Variants in ATP2A3 observed in about 807,000 individuals in gnomAD.
The protein encoded by ATP2A3 is ATPase sarcoplasmic/endoplasmic reticulum Ca2+ transporting 3, also known as sarcoplasmic/endoplasmic reticulum calcium ATPase 3.
Under a neutral mutation model 106.8 loss-of-function variants are expected in ATP2A3, and 61 were observed. The ratio of observed to expected loss-of-function variants is 0.57; its 90% CI spans 0.46 to 0.71. ATP2A3 has a LOEUF of 0.71. ATP2A3 is among the 30% of genes least tolerant of loss of function. ATP2A3 has a pLI of 0.00. For missense variants in ATP2A3, 1,201 were observed against 1,423.5 expected, an observed-to-expected ratio of 0.84 and a Z score of 2.52; for synonymous variants, 611 against 609.3, an observed-to-expected ratio of 1.00 and a Z score of -0.04.
Position 3,924,843 on chromosome 17 carries a change from G to A in ATP2A3, c.*579C>T, listed in dbSNP as rs191309662. 2.7e-3 allele frequency: 1,245 copies of A among 456,812 alleles called. 11 individuals are homozygous for A. The highest frequency in any genetic ancestry group is 0.022 in the African/African-American group (1,109 of 50,196). The allele number at this position is 456,812 out of a possible 1,614,324, so 28.3% of individuals were successfully genotyped here. On this transcript the variant is annotated 3_prime_UTR_variant, in exon 21 of 21. Transcript: ENST00000397041. This position sits in a 1 kb window ranked among gnomAD's most constrained non-coding sequence, Gnocchi z 6.4. ...AAGCAGCCTCGAGCTCTCGGGAGCC[G>A]ACTTTGTGGAAGCAGAGTGGAGTGG...
Position 3,953,336 on chromosome 17 carries a change from G to C in ATP2A3, c.219+11C>G. ...CGACTACCACAGGATGGCTGGCAGG[G>C]CCCTACTTACAAAGGAGACAAGGGC... On this transcript the variant is annotated intron_variant, in intron 3 of 20. Coordinates refer to ENST00000397041, the MANE Select transcript of ATP2A3 (RefSeq NM_005173.4). This position sits in a 1 kb window ranked among gnomAD's most constrained non-coding sequence, Gnocchi z 5.1. 1 of 1,613,512 alleles carries C rather than the reference G, an allele frequency of 6.2e-7. No individual in the cohort carries two copies. The highest frequency in any genetic ancestry group is 8.5e-7 in the Non-Finnish European group (1 of 1,179,678).
In ATP2A3 at chr17:3,951,570, GT is replaced by G; in HGVS notation, c.324+10del. On this transcript the variant is annotated intron_variant, in intron 4 of 20. Transcript: ENST00000397041. Reference sequence around the variant, plus strand: ...CGCCCCCCGCCCGGTCCCACCCCCAGTGCCTCCCACCTGCCACACGCCCACA... The same window carrying G: ...CGCCCCCCGCCCGGTCCCACCCCCAGGCCTCCCACCTGCCACACGCCCACA... The G allele has an allele frequency of 5.6e-6, 2 of 359,242 alleles. No individual in the cohort carries two copies. Among genetic ancestry groups the G allele is most frequent in the South Asian group, 2.0e-5 (1 of 49,438 alleles). 22.3% of individuals were successfully genotyped at this position (359,242 alleles called of 1,614,324 possible). A position where few individuals can be genotyped will look rare whatever the true frequency, so the allele number is the denominator to read the frequency against.
chr17:3,931,287 C>T (rs2144273419), intron 17 of ATP2A3, among the ~76,000 whole-genome samples: 1 of 152,224 alleles, frequency 6.6e-6, no homozygotes, highest in South Asian at 2.1e-4. Flanking sequence ...CTGTAATTAA[C>T]ATGAAGCGCT....
intron 12 of ATP2A3, among the ~76,000 whole-genome samples, chr17:3,942,302 C>T (rs1597617173): frequency 6.6e-6 from 1 of 152,232 alleles, no homozygotes; most frequent in African/African-American, 2.4e-5. Flanking sequence ...TTAAACTTCC[C>T]TTGCAGGGTG....
rs536271392 is a variant in ATP2A3 at position 3,930,492 on chromosome 17, G to A, written c.2611-58C>T. Reference sequence around the variant, plus strand: ...CAGGTCAGGCGAGGGGCTGGTGGGTGGGAGGAGGGAAGCCTCATCCTGCCC... The same window carrying A: ...CAGGTCAGGCGAGGGGCTGGTGGGTAGGAGGAGGGAAGCCTCATCCTGCCC... On this transcript the variant is annotated intron_variant, in intron 17 of 20. Coordinates refer to ENST00000397041, the MANE Select transcript of ATP2A3 (RefSeq NM_005173.4). This position sits in a 1 kb window ranked among gnomAD's most constrained non-coding sequence, Gnocchi z 5.4. 1.4e-4 allele frequency: 227 copies of A among 1,606,862 alleles called. 1 individual carries two copies. In the African/African-American group the frequency reaches 2.2e-3, roughly 16 times the overall value.
intron 1 of ATP2A3, among the ~76,000 whole-genome samples, chr17:3,956,133 C>T (rs1475614423): frequency 1.6e-4 from 25 of 152,144 alleles, no homozygotes; most frequent in Admixed American, 1.5e-3. Flanking sequence ...CCACCCACTT[C>T]GGCCTCCCAA....
intron 14 of ATP2A3, 33 bp from the exon 15 acceptor site, chr17:3,937,669 G>A (rs1267546971): frequency 6.2e-7 from 1 of 1,603,102 alleles, no homozygotes; most frequent in Non-Finnish European, 8.5e-7. Flanking sequence ...CTGTGCCTGA[G>A]AAACTTCCCT....
chr17:3,935,404 T>C (rs756595160), intron 16 of ATP2A3, 127 bp from the exon 17 acceptor site: 2 of 851,410 alleles, frequency 2.3e-6, no homozygotes, highest in Non-Finnish European at 3.7e-6. Context: ...CCCTGTGGTT[T>C]GCAGGCACCT....
At chr17:3,964,018 C>G (rs1024370063) in intron 1 of ATP2A3, among the ~76,000 whole-genome samples, 156 bp downstream of exon 1, 7 of 152,028 alleles carry the variant, frequency 4.6e-5, no homozygotes, top group African/African-American at 1.2e-4. Flanking sequence ...CGAAGGTGGC[C>G]GCGCAGCCCC....
chr17:3,958,039 G>T lies in ATP2A3; in HGVS notation c.119-4329C>A, dbSNP rs530857839. Among the ~76,000 whole-genome samples, 9 of 152,330 alleles carry T rather than the reference G, an allele frequency of 5.9e-5. No individual in the cohort carries two copies. In the East Asian group the frequency reaches 1.5e-3, roughly 26 times the overall value. On this transcript the variant is annotated intron_variant, in intron 1 of 20. Coordinates refer to ENST00000397041, the MANE Select transcript of ATP2A3 (RefSeq NM_005173.4). ...GCCTGGGAGTCAGCCTGCAGTCCTG[G>T]GAAAAGAGGGAGGTGATCAGAGAAG... is the stretch of plus-strand genomic sequence containing the variant.
chr17:3,959,729 C>T (rs2055034320), intron 1 of ATP2A3, among the ~76,000 whole-genome samples: 1 of 152,262 alleles, frequency 6.6e-6, no homozygotes, highest in Non-Finnish European at 1.5e-5. Flanking sequence ...GCCCAGCCCA[C>T]CTGGCCCTGC....
Position 3,944,697 on chromosome 17 carries a change from G to C in ATP2A3, c.1287+7C>G, listed in dbSNP as rs745359327. 8.1e-6 allele frequency: 13 copies of C among 1,612,074 alleles called. No homozygotes were observed. The Admixed American group carries it at 2.2e-4, about 27-fold the overall frequency. On this transcript the variant is annotated splice_region_variant and intron_variant, in intron 10 of 20. Coordinates refer to ENST00000397041, the MANE Select transcript of ATP2A3 (RefSeq NM_005173.4). Reference sequence around the variant, plus strand: ...CTAGGGAGGTCATGAAAGGGGGTGAGGCCCACCTCGTTGTAGTCCAGAGCC... The same window carrying C: ...CTAGGGAGGTCATGAAAGGGGGTGACGCCCACCTCGTTGTAGTCCAGAGCC...
At position 3,930,637 on chromosome 17, in the gene ATP2A3, C is replaced by G; in HGVS notation, c.2611-203G>C. ...AGAGCTGCACCGTGCCAGGGAGAAGCAAGGGCACAGCGTGGGAAAGGCAGA... is the reference window on the plus strand; with the variant it reads ...AGAGCTGCACCGTGCCAGGGAGAAGGAAGGGCACAGCGTGGGAAAGGCAGA... On this transcript the variant is annotated intron_variant, in intron 17 of 20. Transcript: ENST00000397041. This position sits in a 1 kb window ranked among gnomAD's most constrained non-coding sequence, Gnocchi z 5.4. The G allele has an allele frequency of 4.3e-6, 3 of 704,480 alleles. No individual in the cohort carries two copies. Among genetic ancestry groups the G allele is most frequent in the Non-Finnish European group, 7.2e-6 (3 of 416,696 alleles). 43.6% of individuals were successfully genotyped at this position (704,480 alleles called of 1,614,324 possible). A position where few individuals can be genotyped will look rare whatever the true frequency, so the allele number is the denominator to read the frequency against.
intron 1 of ATP2A3, among the ~76,000 whole-genome samples, chr17:3,962,213 G>A (rs1312435707): frequency 6.6e-6 from 1 of 152,130 alleles, no homozygotes; most frequent in African/African-American, 2.4e-5. Context: ...TGTACAGATG[G>A]GGAAACTGAG....
rs1274526983 is a variant in ATP2A3 at position 3,925,418 on chromosome 17, G to C, written c.*4C>G. 1.2e-6 allele frequency: 2 copies of C among 1,613,878 alleles called. No homozygotes were observed. The highest frequency in any genetic ancestry group is 1.7e-5 in the Admixed American group (1 of 59,988). The stretch of plus-strand genomic sequence containing the variant: ...CACCGGAGACTCCACTCTGTTCCCA[G>C]CGCTCACTTCTGGCTCATTTCTTCT... On this transcript the variant is annotated 3_prime_UTR_variant, in exon 21 of 21. Transcript: ENST00000397041. The surrounding 1 kb of genome is among the most constrained non-coding windows in gnomAD (Gnocchi z 4.2).
chr17:3,962,363 T>C (rs1312862301), intron 1 of ATP2A3, among the ~76,000 whole-genome samples: 1 of 152,236 alleles, frequency 6.6e-6, no homozygotes, highest in Non-Finnish European at 1.5e-5. Flanking sequence ...GGAGTTGTTT[T>C]GGGGAAGAAA....
At position 3,944,882 on chromosome 17, in the gene ATP2A3, AG is replaced by A. The variant is rs575754974; in HGVS notation, c.1185-77del. On this transcript the variant is annotated intron_variant, in intron 9 of 20. Coordinates refer to ENST00000397041, the MANE Select transcript of ATP2A3 (RefSeq NM_005173.4). ...GGGTCCGCCTCTTGGCCCCGCCCCT[AG>A]GAGGGGGCTCCGCCTCTTGGCCCCG... 5.0e-3 allele frequency: 4,356 copies of A among 875,070 alleles called. 139 individuals carry two copies. In the African/African-American group the frequency reaches 0.079, roughly 16 times the overall value. The allele number at this position is 875,070 out of a possible 1,614,324, so 54.2% of individuals were successfully genotyped here.
intron 17 of ATP2A3, among the ~76,000 whole-genome samples, chr17:3,931,683 G>A (rs534529163): frequency 3.9e-5 from 6 of 152,084 alleles, no homozygotes; most frequent in African/African-American, 1.4e-4. Context: ...CACCACGCCC[G>A]GCTAATTTTT....
chr17:3,950,162 A>ATT (rs373505320), intron 7 of ATP2A3, among the ~76,000 whole-genome samples: 1 of 138,564 alleles, frequency 7.2e-6, no homozygotes. Context: ...AAAAAAAAAT[A>ATT]TTTTTTTTTT....
Sources: allele counts gnomAD v4.1 joint callset (sites outside exome capture counted in the v4.1 genomes callset), GRCh38; gene constraint gnomAD v4.1.1; non-coding constraint Gnocchi (gnomAD v3.1); transcripts MANE v1.5; gene names NCBI Gene and HGNC (gene_info 2026-07-23, HGNC 2026-07-21).